Variants in ZNF383 observed in about 807,000 individuals in gnomAD.
The protein encoded by ZNF383 is zinc finger protein 383.
ZNF383 carries 32 observed loss-of-function variants against 44.2 expected under a neutral mutation model. The observed-to-expected ratio is 0.72, with a 90% CI of 0.55 to 0.97. The LOEUF is 0.97. Ranked by LOEUF, ZNF383 falls within the 50% of genes least tolerant of loss-of-function variation. ZNF383 has a pLI of 0.00. For missense variants in ZNF383, 487 were observed against 562.5 expected, an observed-to-expected ratio of 0.87 and a Z score of 1.36; for synonymous variants, 155 against 186.2, an observed-to-expected ratio of 0.83 and a Z score of 1.36.
At chr19:37,225,001 TG>T (rs1262851114) in intron 2 of ZNF383, 62 bp downstream of exon 2, 2 of 152,246 alleles carry the variant, frequency 1.3e-5, no homozygotes, top group African/African-American at 2.4e-5. Flanking sequence ...TTCACCATAT[TG>T]GTGAGGCTGG....
At chr19:37,229,147 ATT>A (rs774901192) in intron 2 of ZNF383, among the ~76,000 whole-genome samples, 12 of 116,856 alleles carry the variant, frequency 1.0e-4, no homozygotes, top group Admixed American at 1.7e-4. Flanking sequence ...AAAAGGTTGA[ATT>A]TTTTTTTTTT....
chr19:37,238,012 G>A (rs936492454), intron 5 of ZNF383, among the ~76,000 whole-genome samples: 11 of 151,872 alleles, frequency 7.2e-5, no homozygotes, highest in Non-Finnish European at 1.0e-4. Context: ...ACAGGCACAC[G>A]TCACCACGCC....
At chr19:37,229,634 A>G (rs1234260) in intron 2 of ZNF383, among the ~76,000 whole-genome samples, 51,582 of 128,764 alleles carry the variant, frequency 0.4, 9,420 homozygotes, top group African/African-American at 0.51. Context: ...GTGTGTGTGT[A>G]TATATATATA....
At chr19:37,234,675 C>T (rs942931959) in intron 3 of ZNF383, among the ~76,000 whole-genome samples, 2 of 152,132 alleles carry the variant, frequency 1.3e-5, no homozygotes, top group Admixed American at 6.6e-5. Flanking sequence ...CAGGCATGAG[C>T]CACCACGCCC....
chr19:37,235,650 G>T lies in ZNF383; in HGVS notation c.111G>T (p.Glu37Asp), dbSNP rs748222290. The change falls in exon 4 of 6, where the codon GAG (glutamate) becomes GAT (aspartate). Residue 37 changes from glutamate (E) to aspartate (D), a missense_variant. Coordinates refer to ENST00000684119, the MANE Select transcript of ZNF383 (RefSeq NM_001387601.1). The part of the protein sequence containing the change: ...QRDLYRDVML[E>D]NYGNLVSMGL... ...ACTTATACAGAGATGTGATGTTGGA[G>T]AACTACGGCAATCTGGTTTCAATGG... 6 of 1,611,802 alleles carry T rather than the reference G, an allele frequency of 3.7e-6. No individual in the cohort carries two copies. In the Admixed American group the frequency reaches 1.0e-4, roughly 27 times the overall value.
chr19:37,223,318 C>G (rs1309095856), intron 1 of ZNF383, among the ~76,000 whole-genome samples: 2 of 152,132 alleles, frequency 1.3e-5, no homozygotes, highest in Non-Finnish European at 2.9e-5. Flanking sequence ...CAAAGGGAGT[C>G]TCAATAAATT....
At chr19:37,234,771 A>G (rs745915786) in intron 3 of ZNF383, among the ~76,000 whole-genome samples, 4 of 152,212 alleles carry the variant, frequency 2.6e-5, no homozygotes, top group Non-Finnish European at 5.9e-5. Context: ...GCAAGTTGTA[A>G]CAGTATTGGT....
chr19:37,233,840 A>C (rs1032029965), intron 3 of ZNF383, among the ~76,000 whole-genome samples: 1 of 152,138 alleles, frequency 6.6e-6, no homozygotes, highest in East Asian at 1.9e-4. Flanking sequence ...AATAAAATAC[A>C]CATCTTTTTA....
chr19:37,220,113 A>G (rs1972846295), intron 1 of ZNF383, among the ~76,000 whole-genome samples: 1 of 152,220 alleles, frequency 6.6e-6, no homozygotes, highest in Non-Finnish European at 1.5e-5. Flanking sequence ...TCCTTCTAGT[A>G]AGTTTCCTAT....
At chr19:37,224,076 C>T (rs1973047499) in intron 1 of ZNF383, among the ~76,000 whole-genome samples, 1 of 151,726 alleles carries the variant, frequency 6.6e-6, no homozygotes, top group Admixed American at 6.6e-5. Context: ...AATTAATGAT[C>T]TATGTATTCA....
At chr19:37,220,261 CT>C (rs1440297712) in intron 1 of ZNF383, among the ~76,000 whole-genome samples, 3 of 152,008 alleles carry the variant, frequency 2.0e-5, no homozygotes, top group Admixed American at 1.3e-4. Context: ...CGGAGTCTCG[CT>C]CTGTTGCCCA....
chr19:37,220,108 C>T (rs1204962517), intron 1 of ZNF383, among the ~76,000 whole-genome samples: 1 of 152,212 alleles, frequency 6.6e-6, no homozygotes, highest in Non-Finnish European at 1.5e-5. Flanking sequence ...CTATTTCCTT[C>T]TAGTAAGTTT....
chr19:37,227,197 C>T (rs1202842934), intron 2 of ZNF383, among the ~76,000 whole-genome samples: 2 of 149,264 alleles, frequency 1.3e-5, no homozygotes, highest in South Asian at 2.1e-4. Flanking sequence ...TCACCGCAAC[C>T]TCCGCCTCCC....
intron 3 of ZNF383, among the ~76,000 whole-genome samples, chr19:37,232,122 C>A (rs1284598859): frequency 6.6e-6 from 1 of 151,080 alleles, no homozygotes; most frequent in African/African-American, 2.4e-5. Flanking sequence ...GTCGCCTAGG[C>A]TAGAGTGCAG....
At chr19:37,224,545 G>GT (rs1303228911) in intron 1 of ZNF383, among the ~76,000 whole-genome samples, 1 of 151,808 alleles carries the variant, frequency 6.6e-6, no homozygotes, top group East Asian at 1.9e-4. Context: ...GATTTTTCTG[G>GT]TTTTTTGTTT....
At chr19:37,233,671 G>A (rs910485222) in intron 3 of ZNF383, among the ~76,000 whole-genome samples, 3 of 151,666 alleles carry the variant, frequency 2.0e-5, no homozygotes, top group African/African-American at 7.2e-5. Flanking sequence ...CTCGTGATCC[G>A]CCCGCCTCAG....
At chr19:37,236,864 G>A (rs928032377) in intron 5 of ZNF383, among the ~76,000 whole-genome samples, 26 of 151,762 alleles carry the variant, frequency 1.7e-4, no homozygotes, top group Admixed American at 1.1e-3. Context: ...CACCGCGTCC[G>A]GCCCCTCTTC....
At chr19:37,227,966 T>C (rs796680695) in intron 2 of ZNF383, among the ~76,000 whole-genome samples, 46 of 152,366 alleles carry the variant, frequency 3.0e-4, no homozygotes, top group African/African-American at 1.1e-3. Flanking sequence ...ACCAGGAGCG[T>C]GACCGCTGAA....
intron 3 of ZNF383, among the ~76,000 whole-genome samples, chr19:37,232,639 C>T (rs1973553901): frequency 6.6e-6 from 1 of 152,178 alleles, no homozygotes; most frequent in Admixed American, 6.5e-5. Flanking sequence ...ATTCTTCCTT[C>T]ATAGATTAAG....
Sources: allele counts gnomAD v4.1 joint callset (sites outside exome capture counted in the v4.1 genomes callset), GRCh38; gene constraint gnomAD v4.1.1; transcripts MANE v1.5; gene names NCBI Gene and HGNC (gene_info 2026-07-23, HGNC 2026-07-21).